Variants in EFNA5 observed in about 807,000 individuals in gnomAD.
The protein encoded by EFNA5 is ephrin A5.
Under a neutral mutation model 22.9 loss-of-function variants are expected in EFNA5, and 5 were observed. The observed-to-expected ratio is 0.22, with a 90% CI of 0.11 to 0.46. EFNA5 has a LOEUF of 0.46. Among genes scored for constraint, EFNA5 ranks in the 20% least tolerant of loss-of-function variants. EFNA5 has a pLI of 0.99. For missense variants in EFNA5, 237 were observed against 293.3 expected (o/e 0.81, Z 1.40); for synonymous variants, 113 against 112.2 (o/e 1.01, Z -0.04).
At position 107,670,829 on chromosome 5, in the gene EFNA5, TAAAGAC is replaced by T; in HGVS notation, c.-222_-217del. ...AAGAAGGCGGTGGGATGGGGGGTGA[TAAAGAC>T]AAACTCGCACCCCCACTGGAGGGTT... is the stretch of plus-strand genomic sequence containing the variant. On this transcript the variant is annotated 5_prime_UTR_variant, in exon 1 of 5. Coordinates refer to ENST00000333274, the MANE Select transcript of EFNA5 (RefSeq NM_001962.3). 2 of 595,386 alleles carry T rather than the reference TAAAGAC, an allele frequency of 3.4e-6. No homozygotes were observed. The highest frequency in any genetic ancestry group is 2.1e-5 in the South Asian group (1 of 46,658). 36.9% of individuals were successfully genotyped at this position (595,386 alleles called of 1,614,324 possible).
At chr5:107,434,898 C>A (rs183451665) in intron 1 of EFNA5, among the ~76,000 whole-genome samples, 79 of 152,300 alleles carry the variant, frequency 5.2e-4, no homozygotes, top group African/African-American at 1.8e-3. Context: ...AATGTCACTT[C>A]TTTAATTACA....
At chr5:107,469,306 T>A (rs25999) in intron 1 of EFNA5, among the ~76,000 whole-genome samples, 100,500 of 151,990 alleles carry the variant, frequency 0.66, 35,630 homozygotes, top group African/African-American at 0.91. Flanking sequence ...CCTACATTCA[T>A]AAGAAAATAG....
At chr5:107,452,583 G>A (rs183951501) in intron 1 of EFNA5, among the ~76,000 whole-genome samples, 2 of 151,962 alleles carry the variant, frequency 1.3e-5, no homozygotes, top group East Asian at 1.9e-4. Context: ...AAAATTAGCC[G>A]GGGGTGGTGG....
intron 1 of EFNA5, among the ~76,000 whole-genome samples, chr5:107,602,827 AG>A (rs1412158128): frequency 1.0e-5 from 1 of 96,366 alleles, no homozygotes; most frequent in Non-Finnish European, 2.4e-5. Flanking sequence ...ATCACAAAGG[AG>A]GAAAAAGAAA....
intron 2 of EFNA5, among the ~76,000 whole-genome samples, chr5:107,418,078 T>A (rs1748552089): frequency 6.6e-6 from 1 of 152,218 alleles, no homozygotes; most frequent in Non-Finnish European, 1.5e-5. Flanking sequence ...AAAGATTGAC[T>A]ATGCATTTGG....
At chr5:107,578,583 G>GA (rs1274946538) in intron 1 of EFNA5, among the ~76,000 whole-genome samples, 1 of 147,582 alleles carries the variant, frequency 6.8e-6, no homozygotes, top group Non-Finnish European at 1.5e-5. Flanking sequence ...AAGAATACCA[G>GA]AAAAAATAAA....
intron 1 of EFNA5, among the ~76,000 whole-genome samples, chr5:107,525,298 A>C (rs1171539441): frequency 6.6e-6 from 1 of 152,178 alleles, no homozygotes; most frequent in East Asian, 1.9e-4. Context: ...GTGTGTATAT[A>C]TGTATATATA....
At chr5:107,547,435 G>T (rs1748188267) in intron 1 of EFNA5, among the ~76,000 whole-genome samples, 1 of 151,750 alleles carries the variant, frequency 6.6e-6, no homozygotes, top group Non-Finnish European at 1.5e-5. Context: ...GTGTCACATA[G>T]TATCCTCCAA....
rs188809443 is a variant in EFNA5 at position 107,460,199 on chromosome 5, C to G, written c.126-32690G>C. ...AATAAAAGCAGAACATATGTAAAGG[C>G]TTGGAAAGTATCTCCTTTTTGATTT... On this transcript the variant is annotated intron_variant, in intron 1 of 4. Transcript: ENST00000333274. Among the ~76,000 whole-genome samples, 172 of 152,200 alleles carry G rather than the reference C, an allele frequency of 1.1e-3. 1 individual carries two copies. Among genetic ancestry groups the G allele is most frequent in the African/African-American group, 3.3e-3 (137 of 41,530 alleles).
chr5:107,626,454 A>T (rs1290211115), intron 1 of EFNA5, among the ~76,000 whole-genome samples: 1 of 152,024 alleles, frequency 6.6e-6, no homozygotes, highest in African/African-American at 2.4e-5. Context: ...ATTTAAAAAA[A>T]ATTTTTTTTA....
chr5:107,544,194 T>TA (rs1748103764), intron 1 of EFNA5, among the ~76,000 whole-genome samples: 1 of 152,144 alleles, frequency 6.6e-6, no homozygotes, highest in Non-Finnish European at 1.5e-5. Flanking sequence ...AAATGGGCAA[T>TA]AAGGATCTCC....
chr5:107,626,101 T>C (rs1750135863), intron 1 of EFNA5, among the ~76,000 whole-genome samples: 1 of 152,220 alleles, frequency 6.6e-6, no homozygotes, highest in Non-Finnish European at 1.5e-5. Flanking sequence ...TGTTATTTAA[T>C]GAAGCACTGG....
At chr5:107,557,635 A>G (rs1485772614) in intron 1 of EFNA5, among the ~76,000 whole-genome samples, 1 of 152,208 alleles carries the variant, frequency 6.6e-6, no homozygotes, top group South Asian at 2.1e-4. Context: ...CTGTGTGTGT[A>G]CTATAGTTCT....
intron 1 of EFNA5, among the ~76,000 whole-genome samples, chr5:107,625,035 C>T (rs938930576): frequency 2.6e-5 from 4 of 152,014 alleles, no homozygotes; most frequent in Non-Finnish European, 5.9e-5. Flanking sequence ...CTGGCCTTAA[C>T]GCAATTCAAA....
intron 1 of EFNA5, among the ~76,000 whole-genome samples, chr5:107,429,404 C>T (rs1748890148): frequency 6.6e-6 from 1 of 152,244 alleles, no homozygotes; most frequent in African/African-American, 2.4e-5. Flanking sequence ...TGAGATCACG[C>T]CACTGCACTC....
At chr5:107,540,839 T>C (rs1748030676) in intron 1 of EFNA5, among the ~76,000 whole-genome samples, 1 of 152,174 alleles carries the variant, frequency 6.6e-6, no homozygotes, top group South Asian at 2.1e-4. Flanking sequence ...AAATTAAGGC[T>C]GGGTGCAGTG....
intron 1 of EFNA5, among the ~76,000 whole-genome samples, chr5:107,549,800 T>C (rs1373518703): frequency 6.6e-6 from 1 of 152,254 alleles, no homozygotes; most frequent in Non-Finnish European, 1.5e-5. Context: ...CCCTGAGTTC[T>C]GGCTCTGGCC....
intron 1 of EFNA5, among the ~76,000 whole-genome samples, chr5:107,521,288 T>C (rs1411564447): frequency 7.3e-6 from 1 of 137,526 alleles, no homozygotes; most frequent in Non-Finnish European, 1.7e-5. Flanking sequence ...TATTTACTTA[T>C]TTATTTATTT....
At position 107,492,246 on chromosome 5, in the gene EFNA5, TC is replaced by T. The variant is rs572548304; in HGVS notation, c.126-64738del. Among the ~76,000 whole-genome samples the T allele has an allele frequency of 3.5e-3, 534 of 152,258 alleles. 3 individuals are homozygous for T. Among genetic ancestry groups the T allele is most frequent in the Admixed American group, 2.7e-3 (41 of 15,296 alleles). The stretch of plus-strand genomic sequence containing the variant: ...TAAAGTTACAAAAACTTTTTAAAAA[TC>T]TAACCTTTAAAAAAAATATTCAAAA... On this transcript the variant is annotated intron_variant, in intron 1 of 4. Coordinates refer to ENST00000333274, the MANE Select transcript of EFNA5 (RefSeq NM_001962.3).
Sources: allele counts gnomAD v4.1 joint callset (sites outside exome capture counted in the v4.1 genomes callset), GRCh38; gene constraint gnomAD v4.1.1; transcripts MANE v1.5; gene names NCBI Gene and HGNC (gene_info 2026-07-23, HGNC 2026-07-21).